The following CR1 variants were observed in gnomAD, a reference collection of about 807,000 sequenced individuals.
CR1 encodes complement C3b/C4b receptor 1 (Knops blood group).
Under a neutral mutation model 187.3 loss-of-function variants are expected in CR1, and 116 were observed. That is an observed-to-expected ratio of 0.62 (90% CI 0.53 to 0.72). The LOEUF is 0.72. Ranked by LOEUF, CR1 falls within the 30% of genes least tolerant of loss-of-function variation. The probability of loss-of-function intolerance (pLI) is 0.00; values close to 1 mark genes in which losing one functional copy is unlikely to be tolerated. For synonymous variants in CR1, 576 were observed against 747.1 expected (o/e 0.77, Z 3.73); for missense variants, 1,731 against 2,110.7 (o/e 0.82, Z 3.52).
chr1:207,618,232 G>A lies in CR1; in HGVS notation c.7051G>A (p.Asp2351Asn). The A allele has an allele frequency of 6.2e-7, 1 of 1,613,500 alleles. No individual in the cohort carries two copies. The highest frequency in any genetic ancestry group is 1.1e-5 in the South Asian group (1 of 90,990). The change falls in exon 42 of 47, where the codon GAT becomes AAT. Residue 2351 changes from aspartate (D) to asparagine (N), a missense_variant. Physicochemically the swap from Asp to Asn is conservative, Grantham distance 23 (BLOSUM62 1). Around this residue, in one of 5 missense-constraint regions of CR1, gnomAD observed 1,312 missense variants for 1,379.6 expected, o/e 0.95. Coordinates refer to ENST00000367049, the MANE Select transcript of CR1 (RefSeq NM_000651.6). ...CTDQGIWSQL[D>N]HYCKEVNCSF... ...AGACCAGGGAATCTGGAGCCAATTG[G>A]ATCATTATTGCAAAGGTGACTTATT...
rs1319277411 is a variant in CR1, at chr1:207,504,408, TC to T, written c.122-1494del. ...AATATAGCAATTTAAATTTTTATAA[TC>T]CTAATAACCTCAAAATATATAAAAT... On this transcript the variant is annotated intron_variant, in intron 1 of 46. Transcript: ENST00000367049. Among the ~76,000 whole-genome samples the T allele has an allele frequency of 4.6e-5, 7 of 152,002 alleles. No homozygotes were observed. In the East Asian group the frequency reaches 1.2e-3, roughly 25 times the overall value.
intron 1 of CR1, among the ~76,000 whole-genome samples, chr1:207,499,550 T>C (rs1007088917): frequency 1.3e-5 from 2 of 152,234 alleles, no homozygotes; most frequent in African/African-American, 4.8e-5. Context: ...ATAATTGACA[T>C]ATATAGATGA....
intron 1 of CR1, among the ~76,000 whole-genome samples, chr1:207,499,593 C>T (rs1659202531): frequency 1.3e-5 from 2 of 152,154 alleles, no homozygotes; most frequent in South Asian, 2.1e-4. Context: ...CATATTCTCC[C>T]GCTTACATTC....
At chr1:207,614,381 G>T (rs747684755) in intron 39 of CR1, 23 bp from the exon 40 acceptor site, 1 of 1,592,838 alleles carries the variant, frequency 6.3e-7, no homozygotes, top group Non-Finnish European at 8.6e-7. Flanking sequence ...TCACACATTT[G>T]CTACCACTTT....
chr1:207,500,616 T>A (rs536740243), intron 1 of CR1, among the ~76,000 whole-genome samples: 1 of 152,326 alleles, frequency 6.6e-6, no homozygotes, highest in African/African-American at 2.4e-5. Flanking sequence ...ATGAAAAAGA[T>A]TGACCGAGCC....
At chr1:207,628,791 G>C (rs1424659589) in intron 45 of CR1, among the ~76,000 whole-genome samples, 3 of 151,988 alleles carry the variant, frequency 2.0e-5, no homozygotes, top group Non-Finnish European at 4.4e-5. Context: ...TACTGAGTTT[G>C]TTTTAGCTAC....
Position 207,618,078 on chromosome 1 carries a change from A to G in CR1, c.6897A>G (p.Pro2299=), listed in dbSNP as rs1662201443. The G allele has an allele frequency of 6.2e-7, 1 of 1,613,000 alleles. No homozygotes were observed. The highest frequency in any genetic ancestry group is 8.5e-7 in the Non-Finnish European group (1 of 1,179,364). ...RCELSVPAAC[P]HPPKIQNGHY... is the part of the protein sequence containing the mutation. ...GTGGGAACTTGTTCTTAGCCTGCCC[A>G]CATCCACCCAAGATCCAAAACGGGC... Residue 2299 remains proline, a synonymous_variant, in exon 42 of 47, where the codon CCA becomes CCG. Transcript: ENST00000367049.
At chr1:207,564,774 G>A (rs1448890478) in intron 23 of CR1, among the ~76,000 whole-genome samples, 4 of 150,052 alleles carry the variant, frequency 2.7e-5, no homozygotes, top group Non-Finnish European at 5.9e-5. Flanking sequence ...GCACTCCAGC[G>A]TGAACAATGA....
At chr1:207,596,445 C>T (rs1390742365) in intron 35 of CR1, among the ~76,000 whole-genome samples, 1 of 151,910 alleles carries the variant, frequency 6.6e-6, no homozygotes, top group Non-Finnish European at 1.5e-5. Context: ...GAAACCCTGT[C>T]TCTACTAAAA....
In CR1 at chr1:207,565,892, C is replaced by T. The variant is rs772409345; in HGVS notation, c.3921C>T (p.Ser1307=). The part of the protein sequence containing the change: ...ASYCVLAGME[S]LWNSSVPVCE... ...ATTGTGTCTTGGCTGGAATGGAAAG[C>T]CTTTGGAATAGCAGTGTTCCAGTGT... The change falls in exon 24 of 47, where the codon AGC becomes AGT. Residue 1307 remains serine, a synonymous_variant. Coordinates refer to ENST00000367049, the MANE Select transcript of CR1 (RefSeq NM_000651.6). 6.2e-7 allele frequency: 1 copy of T among 1,610,970 alleles called. No individual in the cohort carries two copies. The highest frequency in any genetic ancestry group is 1.7e-5 in the Admixed American group (1 of 59,936).
chr1:207,614,437 T>C lies in CR1; in HGVS notation c.6609T>C (p.Cys2203=), dbSNP rs1214990604. ...FRLKGRSASH[C]VLAGMKALWN... ...TAAAAGGCAGGTCTGCTAGTCATTG[T>C]GTCTTGGCTGGAATGAAAGCCCTTT... Residue 2203 remains cysteine (C), a synonymous_variant, in exon 40 of 47, where the codon TGT becomes TGC. Transcript: ENST00000367049. 3 of 1,611,776 alleles carry C rather than the reference T, an allele frequency of 1.9e-6. No individual in the cohort carries two copies. The highest frequency in any genetic ancestry group is 2.5e-6 in the Non-Finnish European group (3 of 1,178,438).
chr1:207,595,984 C>T (rs1251390737), intron 35 of CR1, among the ~76,000 whole-genome samples: 1 of 149,778 alleles, frequency 6.7e-6, no homozygotes, highest in Non-Finnish European at 1.5e-5. Context: ...GTAGGGGACA[C>T]ATATTCTTGA....
intron 46 of CR1, among the ~76,000 whole-genome samples, chr1:207,634,507 GTGT>G (rs1467053410): frequency 6.6e-6 from 1 of 152,146 alleles, no homozygotes; most frequent in African/African-American, 2.4e-5. Context: ...ACATAGCTGT[GTGT>G]TGGACATGAG....
Position 207,578,125 on chromosome 1 carries a change from T to A in CR1, c.4858T>A (p.Phe1620Ile), listed in dbSNP as rs758870432. The A allele has an allele frequency of 1.4e-5, 23 of 1,611,856 alleles. No individual in the cohort carries two copies. In the Middle Eastern group the frequency reaches 6.8e-4, roughly 47 times the overall value. Residue 1620 changes from phenylalanine (F) to isoleucine (I), a missense_variant, in exon 29 of 47, where the codon TTT becomes ATT. Phe to Ile is a conservative substitution (Grantham distance 21). Coordinates refer to ENST00000367049, the MANE Select transcript of CR1 (RefSeq NM_000651.6). ...EVVEFRCQPGFVMKGPRRVKC... is the reference protein window; with the variant it reads ...EVVEFRCQPGIVMKGPRRVKC... Reference sequence around the variant, plus strand: ...TGTGGAGTTTAGGTGTCAGCCTGGCTTTGTCATGAAAGGACCCCGCCGTGT... The same window carrying A: ...TGTGGAGTTTAGGTGTCAGCCTGGCATTGTCATGAAAGGACCCCGCCGTGT...
At chr1:207,626,561 G>C (rs1390598340) in intron 45 of CR1, among the ~76,000 whole-genome samples, 1 of 152,228 alleles carries the variant, frequency 6.6e-6, no homozygotes, top group Non-Finnish European at 1.5e-5. Context: ...TGGTCACCAA[G>C]TCAGAAGAGC....
At chr1:207,566,791 T>A (rs1160118006) in intron 24 of CR1, among the ~76,000 whole-genome samples, 1 of 150,416 alleles carries the variant, frequency 6.6e-6, no homozygotes. Flanking sequence ...AAGATAGAAC[T>A]TTGCTTCAAT....
chr1:207,609,958 G>A (rs11118170), intron 37 of CR1, among the ~76,000 whole-genome samples: 232 of 152,240 alleles, frequency 1.5e-3, no homozygotes, highest in African/African-American at 4.9e-3. Flanking sequence ...TACTTTGAGA[G>A]AACTGAGTCT....
chr1:207,603,284 T>C (rs945303154), intron 35 of CR1, among the ~76,000 whole-genome samples: 2 of 152,324 alleles, frequency 1.3e-5, no homozygotes, highest in South Asian at 2.1e-4. Context: ...AGATTTCACA[T>C]GTAAGAAAGA....
intron 31 of CR1, among the ~76,000 whole-genome samples, chr1:207,580,874 C>G (rs1201302040): frequency 2.6e-5 from 4 of 152,056 alleles, no homozygotes; most frequent in African/African-American, 7.2e-5. Flanking sequence ...GGGGACCAAC[C>G]TGGTGGAAAA....
Sources: gnomAD v4.1 joint callset for allele counts (sites outside exome capture counted in the v4.1 genomes callset) on GRCh38, gnomAD v4.1.1 for gene constraint, gnomAD v4.1.1 regional missense constraint, MANE v1.5 for transcripts, NCBI Gene and HGNC (gene_info 2026-07-23, HGNC 2026-07-21) for gene names.